Variants in NEBL observed in about 807,000 individuals in gnomAD.
NEBL encodes LIM and SH3 protein 2.
Under a neutral mutation model 140.2 loss-of-function variants are expected in NEBL, and 122 were observed. That is an observed-to-expected ratio of 0.87 (90% CI 0.75 to 1.01). The LOEUF is 1.01. NEBL is among the 50% of genes least tolerant of loss of function. The pLI is 0.00. For missense variants in NEBL, 1,365 were observed against 1,231.3 expected, an observed-to-expected ratio of 1.11 and a Z score of -1.62; for synonymous variants, 436 against 398.9, an observed-to-expected ratio of 1.09 and a Z score of -1.11.
intron 3 of NEBL, among the ~76,000 whole-genome samples, chr10:21,238,035 C>T (rs1397804385): frequency 6.6e-6 from 1 of 152,218 alleles, no homozygotes; most frequent in Non-Finnish European, 1.5e-5. Context: ...GCAGCAGCTA[C>T]CAGAATTCCT....
chr10:21,045,467 C>T (rs1280026638), intron 2 of NEBL, among the ~76,000 whole-genome samples: 2 of 152,104 alleles, frequency 1.3e-5, no homozygotes, highest in African/African-American at 4.8e-5. Flanking sequence ...TGTTCAATTG[C>T]TTAAATAATC....
At position 20,829,134 on chromosome 10, in the gene NEBL, A is replaced by C. The variant is rs77009558; in HGVS notation, c.1672-500T>G. Among the ~76,000 whole-genome samples, 1,208 of 152,268 alleles carry C rather than the reference A, an allele frequency of 7.9e-3. 17 individuals are homozygous for C. The highest frequency in any genetic ancestry group is 0.027 in the African/African-American group (1,120 of 41,552). On this transcript the variant is annotated intron_variant, in intron 16 of 27. Coordinates refer to ENST00000377122, the MANE Select transcript of NEBL (RefSeq NM_006393.3). Reference sequence around the variant, plus strand: ...AGATGGAGAAACTGAAGTACTAGATAGTAAGTATCAGAGCCTCAACTTAAA... The same window carrying C: ...AGATGGAGAAACTGAAGTACTAGATCGTAAGTATCAGAGCCTCAACTTAAA...
At position 21,173,194 on chromosome 10, in the gene NEBL, C is replaced by A. The variant is rs1841159132; in HGVS notation, c.69+571G>T. 6.6e-6 allele frequency among the ~76,000 whole-genome samples: 1 copy of A among 152,222 alleles called. No homozygotes were observed. Among genetic ancestry groups the A allele is most frequent in the Non-Finnish European group, 1.5e-5 (1 of 68,034 alleles). On this transcript the variant is annotated intron_variant, in intron 1 of 6. Transcript: ENST00000417816. The surrounding 1 kb of genome is among the most constrained non-coding windows in gnomAD (Gnocchi z 5.7). ...TACAGAACTACTTCCCCTGGAATTC[C>A]CCACCCGGTGGATTAGACACCCGTG...
At chr10:21,076,288 C>CA (rs1325560328) in intron 2 of NEBL, among the ~76,000 whole-genome samples, 7 of 151,020 alleles carry the variant, frequency 4.6e-5, no homozygotes, top group Non-Finnish European at 1.0e-4. Context: ...ACTAAAAATA[C>CA]AAAAAAATTA....
chr10:21,119,804 ATAGC>A (rs1436841163), intron 2 of NEBL, among the ~76,000 whole-genome samples: 1 of 152,136 alleles, frequency 6.6e-6, no homozygotes, highest in Non-Finnish European at 1.5e-5. Flanking sequence ...AATGTCCTTG[ATAGC>A]TATTTCCCTG....
chr10:20,990,582 T>A (rs1251325360), intron 3 of NEBL, among the ~76,000 whole-genome samples: 1 of 152,228 alleles, frequency 6.6e-6, no homozygotes, highest in East Asian at 1.9e-4. Context: ...AATAAAGGTC[T>A]GTTGTTTAAG....
At chr10:21,222,549 T>G (rs1369218525) in intron 3 of NEBL, among the ~76,000 whole-genome samples, 1 of 152,236 alleles carries the variant, frequency 6.6e-6, no homozygotes. Flanking sequence ...TTCTAAAATT[T>G]CTAACCCTGC....
At chr10:20,888,273 A>G in intron 3 of NEBL, 66 bp from the exon 4 acceptor site, 1 of 961,458 alleles carries the variant, frequency 1.0e-6, no homozygotes, top group South Asian at 1.5e-5. Context: ...CTGTGATTAT[A>G]AGTAGAAAAG....
At chr10:20,825,475 G>A (rs1839756781) in intron 18 of NEBL, among the ~76,000 whole-genome samples, 1 of 151,954 alleles carries the variant, frequency 6.6e-6, no homozygotes, top group Non-Finnish European at 1.5e-5. Context: ...TGGCCGACAT[G>A]GTGAAACCCC....
At chr10:20,889,817 G>A (rs528848409) in intron 3 of NEBL, 28 bp downstream of exon 3, 6 of 1,340,948 alleles carry the variant, frequency 4.5e-6, no homozygotes, top group Non-Finnish European at 6.4e-6. Context: ...ATAAATGCAA[G>A]CCAGTTTGCA....
chr10:21,275,729 CT>C (rs1842913378), intron 1 of NEBL, among the ~76,000 whole-genome samples: 1 of 150,988 alleles, frequency 6.6e-6, no homozygotes. Context: ...CAACCTCTGC[CT>C]CCTGGGTTCA....
In NEBL at chr10:21,182,409, T is replaced by C. The variant is rs1186604903; in HGVS notation, n.349-9932A>G. 2.0e-5 allele frequency among the ~76,000 whole-genome samples: 3 copies of C among 152,190 alleles called. No homozygotes were observed. The South Asian group carries it at 6.2e-4, about 31-fold the overall frequency. ...GAGGATCGTTTGAATCCAGGAGTTCTAGGCTGCAATGAGGTATTATCGTGC... is the reference window on the plus strand; with the variant it reads ...GAGGATCGTTTGAATCCAGGAGTTCCAGGCTGCAATGAGGTATTATCGTGC... On this transcript the variant is annotated intron_variant and non_coding_transcript_variant, in intron 3 of 8. Coordinates refer to the NEBL transcript ENST00000675702.
chr10:21,276,361 G>C (rs1179742936), intron 1 of NEBL, among the ~76,000 whole-genome samples: 1 of 152,014 alleles, frequency 6.6e-6, no homozygotes, highest in Non-Finnish European at 1.5e-5. Context: ...CCACACCTTG[G>C]GCTTCATCCC....
intron 2 of NEBL, among the ~76,000 whole-genome samples, chr10:21,142,057 C>T (rs1297197776): frequency 6.6e-6 from 1 of 152,174 alleles, no homozygotes; most frequent in East Asian, 1.9e-4. Context: ...TTGAATCACT[C>T]TCTGTAATAG....
At chr10:21,277,598 A>C (rs1407777022) in intron 1 of NEBL, among the ~76,000 whole-genome samples, 2 of 152,188 alleles carry the variant, frequency 1.3e-5, no homozygotes, top group Admixed American at 1.3e-4. Context: ...GTGTGGGTGC[A>C]TGGGACAGAA....
rs568711903 is a variant in NEBL, at chr10:20,982,158, G to A, written c.250-20379C>T. Among the ~76,000 whole-genome samples, 35 of 152,208 alleles carry A rather than the reference G, an allele frequency of 2.3e-4. No individual in the cohort carries two copies. In the South Asian group the frequency reaches 3.7e-3, roughly 16 times the overall value. On this transcript the variant is annotated intron_variant, in intron 3 of 6. Coordinates refer to the NEBL transcript ENST00000417816. The stretch of plus-strand genomic sequence containing the variant: ...AGTGGTTCAGAAAATCCTAAACAGC[G>A]GGTACTCAAAAATCATTTGCATATG...
chr10:21,016,999 A>G (rs1026319763), intron 3 of NEBL, among the ~76,000 whole-genome samples: 1 of 152,202 alleles, frequency 6.6e-6, no homozygotes, highest in African/African-American at 2.4e-5. Flanking sequence ...CTTGTATTGC[A>G]ATTCTTTGCT....
intron 4 of NEBL, among the ~76,000 whole-genome samples, chr10:20,923,021 G>A (rs1289549422): frequency 6.6e-6 from 1 of 152,098 alleles, no homozygotes; most frequent in Non-Finnish European, 1.5e-5. Flanking sequence ...TTAAATGAAT[G>A]CATTCACAGA....
chr10:21,281,099 G>C (rs1030053540), intron 1 of NEBL, among the ~76,000 whole-genome samples: 1 of 152,200 alleles, frequency 6.6e-6, no homozygotes, highest in Non-Finnish European at 1.5e-5. Context: ...AAGCACAAAT[G>C]CTCTTCCAAA....
Sources: gnomAD v4.1 joint callset for allele counts (sites outside exome capture counted in the v4.1 genomes callset) on GRCh38, gnomAD v4.1.1 for gene constraint, Gnocchi (gnomAD v3.1) non-coding constraint, MANE v1.5 for transcripts, NCBI Gene and HGNC (gene_info 2026-07-23, HGNC 2026-07-21) for gene names.